Variants in ULK4 observed in about 807,000 individuals in gnomAD.
ULK4 encodes the protein inactive serine/threonine-protein kinase ULK4.
A neutral mutation model predicts 160.6 loss-of-function variants in ULK4; 133 were observed. The ratio of observed to expected loss-of-function variants is 0.83; its 90% CI spans 0.72 to 0.96. The LOEUF (loss-of-function observed/expected upper bound fraction) is 0.96, where lower values mean the gene tolerates loss of function less well. Among genes scored for constraint, ULK4 ranks in the 40% least tolerant of loss-of-function variants. The probability of loss-of-function intolerance (pLI) is 0.00; values close to 1 mark genes in which losing one functional copy is unlikely to be tolerated. For missense variants in ULK4, 1,580 were observed against 1,499.5 expected (o/e 1.05, Z -0.89); for synonymous variants, 534 against 539.8 (o/e 0.99, Z 0.15).
At chr3:41,282,363 CA>C (rs1165908424) in intron 35 of ULK4, among the ~76,000 whole-genome samples, 1 of 152,164 alleles carries the variant, frequency 6.6e-6, no homozygotes, top group Non-Finnish European at 1.5e-5. Flanking sequence ...GCCAAAAGAA[CA>C]AAGCTGGAGG....
intron 32 of ULK4, among the ~76,000 whole-genome samples, chr3:41,506,767 A>AAAAAAAAATAT: frequency 1.8e-5 from 1 of 56,766 alleles, no homozygotes; most frequent in East Asian, 8.2e-4. Flanking sequence ...TGTGATTTAA[A>AAAAAAAAATAT]ATATATATAT....
chr3:41,430,954 G>A (rs1053959438), intron 34 of ULK4, among the ~76,000 whole-genome samples: 13 of 152,204 alleles, frequency 8.5e-5, no homozygotes, highest in African/African-American at 3.1e-4. Context: ...AGAATTTACT[G>A]TTCATCTTAA....
chr3:41,779,984 A>AT lies in ULK4; in HGVS notation c.2193+9676dup, dbSNP rs1491229498. ...CATGTACCCTAAAACTTAGAGTATA[A>AT]TAAAAAAAAAAAAAAAAAAAAAGGT... On this transcript the variant is annotated intron_variant, in intron 21 of 36. Coordinates refer to ENST00000301831, the MANE Select transcript of ULK4 (RefSeq NM_017886.4). 5.1e-5 allele frequency among the ~76,000 whole-genome samples: 5 copies of AT among 98,966 alleles called. 1 individual carries two copies. Among genetic ancestry groups the AT allele is most frequent in the Non-Finnish European group, 8.7e-5 (4 of 45,794 alleles). 64.9% of individuals were successfully genotyped at this position (98,966 alleles called of 152,430 possible).
At chr3:41,251,374 G>A (rs539447193) in intron 35 of ULK4, among the ~76,000 whole-genome samples, 1 of 152,140 alleles carries the variant, frequency 6.6e-6, no homozygotes, top group Non-Finnish European at 1.5e-5. Flanking sequence ...GTAAGACAGA[G>A]AAAACACATG....
At chr3:41,543,562 T>C (rs1030765539) in intron 32 of ULK4, among the ~76,000 whole-genome samples, 1 of 152,216 alleles carries the variant, frequency 6.6e-6, no homozygotes, top group Admixed American at 6.5e-5. Context: ...TGTAGTCACA[T>C]CCTTTGTGGG....
chr3:41,909,951 C>T (rs1475055632), intron 11 of ULK4, among the ~76,000 whole-genome samples: 10 of 152,074 alleles, frequency 6.6e-5, no homozygotes, highest in Non-Finnish European at 1.3e-4. Flanking sequence ...GGCTGGAGCG[C>T]GATGGCGCGA....
chr3:41,775,399 C>CTTT lies in ULK4; in HGVS notation c.2193+14259_2193+14261dup, dbSNP rs544345466. On this transcript the variant is annotated intron_variant, in intron 21 of 36. Coordinates refer to ENST00000301831, the MANE Select transcript of ULK4 (RefSeq NM_017886.4). ...AATAATATATATATGGTGACAACTC[C>CTTT]TTTTTTTTTTTTTTATGGTGATGCA... Among the ~76,000 whole-genome samples the CTTT allele has an allele frequency of 6.5e-4, 90 of 138,888 alleles. 1 individual carries two copies. The South Asian group carries it at 7.2e-3, about 11-fold the overall frequency. The allele number at this position is 138,888 out of a possible 152,430, so 91.1% of individuals were successfully genotyped here.
intron 35 of ULK4, among the ~76,000 whole-genome samples, chr3:41,331,294 A>G (rs576799822): frequency 1.3e-5 from 2 of 152,330 alleles, no homozygotes; most frequent in East Asian, 1.9e-4. Context: ...TTAAGAGAGC[A>G]GAAACACTTG....
chr3:41,729,261 G>A (rs1462160507), intron 22 of ULK4, among the ~76,000 whole-genome samples: 1 of 152,168 alleles, frequency 6.6e-6, no homozygotes, highest in African/African-American at 2.4e-5. Flanking sequence ...GGTAAAGCAA[G>A]GAGCCCCCAG....
intron 2 of ULK4, among the ~76,000 whole-genome samples, chr3:41,945,930 T>C (rs2148835396): frequency 6.6e-6 from 1 of 152,310 alleles, no homozygotes; most frequent in East Asian, 1.9e-4. Flanking sequence ...GTACTTTAAA[T>C]ATGTATTCAG....
chr3:41,502,067 T>C (rs2085229316), intron 32 of ULK4, among the ~76,000 whole-genome samples: 1 of 152,240 alleles, frequency 6.6e-6, no homozygotes, highest in African/African-American at 2.4e-5. Flanking sequence ...ATTGTGTACA[T>C]ATTCCATATT....
rs138989568 is a variant in ULK4 at position 41,695,235 on chromosome 3, G to C, written c.2781+9822C>G. Among the ~76,000 whole-genome samples the C allele has an allele frequency of 3.8e-4, 58 of 152,338 alleles. 1 individual carries two copies. The highest frequency in any genetic ancestry group is 1.2e-3 in the South Asian group (6 of 4,822). ...TTAATAGTATGACATTGGGGATTAA[G>C]TTTCAATATATGAAGTTTGAGGATA... On this transcript the variant is annotated intron_variant, in intron 27 of 36. Transcript: ENST00000301831.
chr3:41,348,299 GGCGTA>G (rs905648360), intron 35 of ULK4, among the ~76,000 whole-genome samples: 6 of 151,300 alleles, frequency 4.0e-5, no homozygotes, highest in African/African-American at 1.5e-4. Context: ...TTTTGACACA[GGCGTA>G]GCATTCACCT....
At chr3:41,905,523 C>T (rs550024349) in intron 12 of ULK4, among the ~76,000 whole-genome samples, 118 of 151,936 alleles carry the variant, frequency 7.8e-4, no homozygotes, top group African/African-American at 2.8e-3. Flanking sequence ...AACTTTTGTG[C>T]TTCAAAGGAC....
chr3:41,897,457 T>C (rs1405489373), intron 14 of ULK4, among the ~76,000 whole-genome samples: 1 of 152,026 alleles, frequency 6.6e-6, no homozygotes, highest in Admixed American at 6.6e-5. Flanking sequence ...CACCTGAAAT[T>C]CCTACCTCCA....
At chr3:41,457,095 G>A (rs541339134) in intron 33 of ULK4, among the ~76,000 whole-genome samples, 131 of 152,268 alleles carry the variant, frequency 8.6e-4, no homozygotes, top group African/African-American at 2.9e-3. Context: ...AATCTTGGCC[G>A]TTGATCCCTT....
chr3:41,420,636 TA>T (rs1272400882), intron 34 of ULK4, among the ~76,000 whole-genome samples: 2 of 151,424 alleles, frequency 1.3e-5, no homozygotes, highest in Non-Finnish European at 1.5e-5. Flanking sequence ...AGGCACCAGC[TA>T]CCATGCCTGG....
chr3:41,509,409 T>G (rs1005260033), intron 32 of ULK4, among the ~76,000 whole-genome samples: 1 of 152,062 alleles, frequency 6.6e-6, no homozygotes, highest in African/African-American at 2.4e-5. Flanking sequence ...TTTAAGAGAA[T>G]AGTCAAGGAA....
rs2036554514 is a variant in ULK4 at position 41,697,925 on chromosome 3, TG to T, written c.2781+7131del. 5.9e-5 allele frequency among the ~76,000 whole-genome samples: 9 copies of T among 152,352 alleles called. No individual in the cohort carries two copies. The South Asian group carries it at 1.9e-3, about 32-fold the overall frequency. ...GACTCACTCAAAGCAACTCCAGTCC[TG>T]CAAGCTCCATTCATAGTAAATATCT... On this transcript the variant is annotated intron_variant, in intron 27 of 36. Coordinates refer to ENST00000301831, the MANE Select transcript of ULK4 (RefSeq NM_017886.4).
Sources: allele counts gnomAD v4.1 joint callset (sites outside exome capture counted in the v4.1 genomes callset), GRCh38; gene constraint gnomAD v4.1.1; transcripts MANE v1.5; gene names NCBI Gene and HGNC (gene_info 2026-07-23, HGNC 2026-07-21).